The following DGKB variants were observed in gnomAD, a reference collection of about 807,000 sequenced individuals.
DGKB encodes the protein diacylglycerol kinase beta.
In DGKB, 67 loss-of-function variants were observed where a neutral mutation model predicts 114.3. The ratio of observed to expected loss-of-function variants is 0.59; its 90% confidence interval spans 0.48 to 0.72. The LOEUF (loss-of-function observed/expected upper bound fraction) is 0.72. Among genes scored for constraint, DGKB ranks in the 30% least tolerant of loss-of-function variants. The pLI, the probability that DGKB is intolerant of heterozygous loss-of-function variation, is 0.00. For synonymous variants in DGKB, 398 were observed against 323.1 expected (o/e 1.23, Z -2.49); for missense variants, 907 against 975.2 (o/e 0.93, Z 0.93).
At chr7:14,601,694 A>C (rs923078352) in intron 17 of DGKB, among the ~76,000 whole-genome samples, 1 of 151,956 alleles carries the variant, frequency 6.6e-6, no homozygotes, top group African/African-American at 2.4e-5. Flanking sequence ...GTATTTCATC[A>C]CTCTAAAATT....
At chr7:14,158,156 T>C (rs943798637) in intron 25 of DGKB, among the ~76,000 whole-genome samples, 1 of 152,246 alleles carries the variant, frequency 6.6e-6, no homozygotes, top group African/African-American at 2.4e-5. Context: ...AATAAGGCTA[T>C]GCATGTCATA....
At chr7:14,161,755 T>C (rs1221187645) in intron 25 of DGKB, among the ~76,000 whole-genome samples, 1 of 151,920 alleles carries the variant, frequency 6.6e-6, no homozygotes, top group African/African-American at 2.4e-5. Context: ...CCATGACACA[T>C]GTATACCTAT....
chr7:14,799,649 G>C (rs529401632), intron 2 of DGKB, among the ~76,000 whole-genome samples: 3 of 152,258 alleles, frequency 2.0e-5, no homozygotes, highest in African/African-American at 7.2e-5. Context: ...GGCCTATTTG[G>C]ATTTTAGAAG....
At chr7:14,499,697 T>C (rs73679800) in intron 20 of DGKB, among the ~76,000 whole-genome samples, 3,024 of 151,956 alleles carry the variant, frequency 0.02, 87 homozygotes, top group African/African-American at 0.069. Flanking sequence ...GAGCTATGGC[T>C]CATGATTCCT....
At chr7:14,844,326 G>C (rs1391910087) in intron 1 of DGKB, among the ~76,000 whole-genome samples, 1 of 152,188 alleles carries the variant, frequency 6.6e-6, no homozygotes, top group South Asian at 2.1e-4. Flanking sequence ...ATGTGTTAGG[G>C]ATAGGAAGCC....
intron 2 of DGKB, among the ~76,000 whole-genome samples, chr7:14,803,615 T>C (rs993737156): frequency 6.6e-6 from 1 of 152,162 alleles, no homozygotes; most frequent in African/African-American, 2.4e-5. Context: ...GAGTTAGGTA[T>C]GTTTGAATTT....
intron 20 of DGKB, among the ~76,000 whole-genome samples, chr7:14,563,704 C>T (rs1307185658): frequency 1.3e-5 from 2 of 148,474 alleles, no homozygotes; most frequent in Non-Finnish European, 3.0e-5. Context: ...TGGGAATATC[C>T]TTGTCTACTT....
intron 21 of DGKB, among the ~76,000 whole-genome samples, chr7:14,407,855 T>C (rs933717563): frequency 2.0e-5 from 3 of 151,802 alleles, no homozygotes; most frequent in Non-Finnish European, 4.4e-5. Context: ...ACAAGAGAGA[T>C]AGAATAGACA....
intron 2 of DGKB, among the ~76,000 whole-genome samples, chr7:14,772,145 AAACCAAGCTGTACCCC>A (rs1450806736): frequency 1.3e-5 from 2 of 152,092 alleles, no homozygotes; most frequent in Admixed American, 1.3e-4. Context: ...AAAATATATA[AAACCAAGCTGTACCCC>A]AACCACCTTA....
At chr7:14,560,864 G>A (rs1468509319) in intron 20 of DGKB, among the ~76,000 whole-genome samples, 1 of 152,092 alleles carries the variant, frequency 6.6e-6, no homozygotes, top group South Asian at 2.1e-4. Flanking sequence ...ACAATCACCT[G>A]TTGTTTCTGA....
At chr7:14,222,263 C>T (rs1361625244) in intron 23 of DGKB, among the ~76,000 whole-genome samples, 1 of 150,626 alleles carries the variant, frequency 6.6e-6, no homozygotes, top group African/African-American at 2.4e-5. Flanking sequence ...TTTATTTAAG[C>T]TGTTTTTTTC....
chr7:14,179,676 C>G (rs1782348250), intron 23 of DGKB, among the ~76,000 whole-genome samples: 1 of 152,030 alleles, frequency 6.6e-6, no homozygotes, highest in Non-Finnish European at 1.5e-5. Flanking sequence ...GTTCGTTAAG[C>G]CCAGGATCGT....
At position 14,276,097 on chromosome 7, in the gene DGKB, A is replaced by G. The variant is rs73682717; in HGVS notation, c.2122+62418T>C. 8.0e-3 allele frequency among the ~76,000 whole-genome samples: 1,225 copies of G among 152,286 alleles called. 17 individuals are homozygous for G. Among genetic ancestry groups the G allele is most frequent in the African/African-American group, 0.028 (1,144 of 41,560 alleles). ...TAGATGGTACAAAGTTCATATCACTATGAGGCAAATCACTGAAGCTTTATT... is the reference window on the plus strand; with the variant it reads ...TAGATGGTACAAAGTTCATATCACTGTGAGGCAAATCACTGAAGCTTTATT... On this transcript the variant is annotated intron_variant, in intron 23 of 25. Coordinates refer to ENST00000402815, the MANE Select transcript of DGKB (RefSeq NM_001350709.2).
At chr7:14,340,354 A>G (rs753641408) in intron 22 of DGKB, among the ~76,000 whole-genome samples, 40 of 151,684 alleles carry the variant, frequency 2.6e-4, no homozygotes, top group Non-Finnish European at 5.2e-4. Context: ...GCCTCAATGA[A>G]TCAAACACAT....
At chr7:14,690,548 C>T (rs1350884783) in intron 9 of DGKB, among the ~76,000 whole-genome samples, 1 of 152,222 alleles carries the variant, frequency 6.6e-6, no homozygotes, top group African/African-American at 2.4e-5. Context: ...CAAACTATGG[C>T]ACTGAGTCAA....
chr7:14,769,051 G>C (rs1303869488), intron 2 of DGKB, among the ~76,000 whole-genome samples: 1 of 139,184 alleles, frequency 7.2e-6, no homozygotes, highest in Non-Finnish European at 1.5e-5. Context: ...CCCCTACACT[G>C]TGTAAACATT....
intron 2 of DGKB, among the ~76,000 whole-genome samples, chr7:14,760,522 T>G (rs1835531554): frequency 6.6e-6 from 1 of 152,048 alleles, no homozygotes; most frequent in African/African-American, 2.4e-5. Context: ...TTGTGGGTAA[T>G]AAGGCACTAT....
chr7:14,670,632 C>A, intron 13 of DGKB, among the ~76,000 whole-genome samples: 1 of 152,002 alleles, frequency 6.6e-6, no homozygotes. Flanking sequence ...CTATAGTCAT[C>A]ATACTGTACA....
chr7:14,763,731 T>C (rs569859508), intron 2 of DGKB, among the ~76,000 whole-genome samples: 8 of 152,060 alleles, frequency 5.3e-5, no homozygotes, highest in Non-Finnish European at 1.2e-4. Flanking sequence ...ACCTAAATAG[T>C]AGTCATAGCT....
Sources: gnomAD v4.1 joint callset for allele counts (sites outside exome capture counted in the v4.1 genomes callset) on GRCh38, gnomAD v4.1.1 for gene constraint, MANE v1.5 for transcripts, NCBI Gene and HGNC (gene_info 2026-07-23, HGNC 2026-07-21) for gene names.